The following PTPRG variants were observed in gnomAD, a reference collection of about 807,000 sequenced individuals.
PTPRG encodes the protein receptor-type tyrosine-protein phosphatase gamma.
Under a neutral mutation model 165.3 loss-of-function variants are expected in PTPRG, and 102 were observed. That is an observed-to-expected ratio of 0.62 (90% confidence interval 0.53 to 0.73). PTPRG has a LOEUF of 0.73. Ranked by LOEUF, PTPRG falls within the 30% of genes least tolerant of loss-of-function variation. The probability of loss-of-function intolerance (pLI) is 0.00; values close to 1 mark genes in which losing one functional copy is unlikely to be tolerated. For missense variants in PTPRG, 1,866 were observed against 1,861.4 expected, an observed-to-expected ratio of 1.00 and a Z score of -0.05; for synonymous variants, 675 against 669.5, an observed-to-expected ratio of 1.01 and a Z score of -0.13.
chr3:62,223,218 C>T (rs1700688785), intron 13 of PTPRG, among the ~76,000 whole-genome samples: 1 of 152,100 alleles, frequency 6.6e-6, no homozygotes. Context: ...GGAGCCAAAA[C>T]TGCAGGAGGG....
intron 1 of PTPRG, among the ~76,000 whole-genome samples, chr3:61,699,085 G>A (rs987833586): frequency 1.3e-5 from 2 of 150,058 alleles, no homozygotes; most frequent in Admixed American, 6.7e-5. Flanking sequence ...ACGAGTTAAT[G>A]GGTGCAGCAC....
At position 62,217,295 on chromosome 3, in the gene PTPRG, C is replaced by A. The variant is rs1163394640; in HGVS notation, c.2156-1556C>A. Among the ~76,000 whole-genome samples, 3 of 152,194 alleles carry A rather than the reference C, an allele frequency of 2.0e-5. No homozygotes were observed. ...CACCTACTTGACTCTGTCTTCTTAC[C>A]TGTGAGCAGGGGATACATCAGGTCC... On this transcript the variant is annotated intron_variant, in intron 12 of 29. Coordinates refer to ENST00000474889, the MANE Select transcript of PTPRG (RefSeq NM_002841.4). This position sits in a 1 kb window ranked among gnomAD's most constrained non-coding sequence, Gnocchi z 4.3.
At chr3:62,278,208 A>G (rs1473388773) in intron 26 of PTPRG, among the ~76,000 whole-genome samples, 1 of 152,100 alleles carries the variant, frequency 6.6e-6, no homozygotes, top group Non-Finnish European at 1.5e-5. Context: ...ATCTGTCTCC[A>G]GAGACCATGC....
intron 1 of PTPRG, among the ~76,000 whole-genome samples, chr3:61,699,063 T>A (rs1575596508): frequency 1.3e-5 from 2 of 152,008 alleles, no homozygotes; most frequent in Non-Finnish European, 2.9e-5. Flanking sequence ...GAGATACACC[T>A]AATGTTAAAT....
At chr3:61,777,101 C>G (rs2034406321) in intron 2 of PTPRG, among the ~76,000 whole-genome samples, 1 of 152,116 alleles carries the variant, frequency 6.6e-6, no homozygotes. Context: ...TTGTGTGTCT[C>G]TGGAATATCA....
At chr3:61,965,994 T>C (rs138523560) in intron 2 of PTPRG, among the ~76,000 whole-genome samples, 1 of 152,226 alleles carries the variant, frequency 6.6e-6, no homozygotes, top group African/African-American at 2.4e-5. Context: ...AACTTTTCTT[T>C]CATGGCAAAA....
At chr3:62,059,373 G>C (rs1700731918) in intron 4 of PTPRG, among the ~76,000 whole-genome samples, 1 of 152,146 alleles carries the variant, frequency 6.6e-6, no homozygotes, top group South Asian at 2.1e-4. Flanking sequence ...TGAAGACTCT[G>C]ATCTCATTAC....
At chr3:61,564,129 G>C (rs1379460814) in intron 1 of PTPRG, among the ~76,000 whole-genome samples, 1 of 152,208 alleles carries the variant, frequency 6.6e-6, no homozygotes, top group East Asian at 1.9e-4. Flanking sequence ...TCTCCCCTTA[G>C]AAACAGCTGC....
chr3:61,857,533 A>G (rs2037146373), intron 2 of PTPRG, among the ~76,000 whole-genome samples: 1 of 152,176 alleles, frequency 6.6e-6, no homozygotes, highest in Non-Finnish European at 1.5e-5. Context: ...GCGTATTGAC[A>G]GTGATGATTC....
chr3:61,841,980 A>G (rs1241850040), intron 2 of PTPRG, among the ~76,000 whole-genome samples: 1 of 152,256 alleles, frequency 6.6e-6, no homozygotes, highest in African/African-American at 2.4e-5. Flanking sequence ...TGTAGATGGT[A>G]TGCACAGAGT....
intron 2 of PTPRG, among the ~76,000 whole-genome samples, chr3:61,900,304 C>T (rs928628081): frequency 5.9e-5 from 9 of 152,222 alleles, no homozygotes; most frequent in African/African-American, 2.2e-4. Context: ...AGGCTACTCC[C>T]ATGAATTTGA....
At chr3:61,699,510 C>T (rs961258981) in intron 1 of PTPRG, among the ~76,000 whole-genome samples, 1 of 152,168 alleles carries the variant, frequency 6.6e-6, no homozygotes, top group Non-Finnish European at 1.5e-5. Flanking sequence ...TAAGTATTAC[C>T]TTGTAAATGG....
chr3:61,859,150 G>A (rs656264), intron 2 of PTPRG, among the ~76,000 whole-genome samples: 63,835 of 151,870 alleles, frequency 0.42, 14,476 homozygotes, highest in East Asian at 0.61. Flanking sequence ...CCTTTTCAAA[G>A]TATATGTGCT....
chr3:62,042,551 C>T (rs1472832646), intron 4 of PTPRG, among the ~76,000 whole-genome samples: 1 of 152,224 alleles, frequency 6.6e-6, no homozygotes, highest in East Asian at 1.9e-4. Flanking sequence ...TTTTCTTCCT[C>T]CCGCACCGCC....
At chr3:62,111,298 TC>T (rs779814466) in intron 5 of PTPRG, among the ~76,000 whole-genome samples, 2 of 152,092 alleles carry the variant, frequency 1.3e-5, no homozygotes, top group African/African-American at 2.4e-5. Flanking sequence ...TCCCAGAACA[TC>T]CTTTGAGGAG....
rs114736525 is a variant in PTPRG at position 62,265,768 on chromosome 3, T to C, written c.2657-1642T>C. 5.8e-3 allele frequency among the ~76,000 whole-genome samples: 878 copies of C among 152,088 alleles called. 8 individuals are homozygous for C. The highest frequency in any genetic ancestry group is 0.02 in the African/African-American group (830 of 41,464). ...TGCTGTGACTATGAGGATTTCTCTA[T>C]CCAGATACACCTCCTTTCTAACCAG... On this transcript the variant is annotated intron_variant, in intron 17 of 29. Transcript: ENST00000474889.
rs767479285 is a variant in PTPRG, at chr3:61,894,301, C to CAAAAAAAAAAAAAAAAAAAAA, written c.191-95311_191-95291dup. Among the ~76,000 whole-genome samples, 5 of 49,850 alleles carry CAAAAAAAAAAAAAAAAAAAAA rather than the reference C, an allele frequency of 1.0e-4. 1 individual carries two copies. Among genetic ancestry groups the CAAAAAAAAAAAAAAAAAAAAA allele is most frequent in the African/African-American group, 3.3e-4 (5 of 15,100 alleles). The allele number at this position is 49,850 out of a possible 152,430, so 32.7% of individuals were successfully genotyped here. On this transcript the variant is annotated intron_variant, in intron 2 of 29. Transcript: ENST00000474889. ...CGGGCAACAGAGCAAGACTCTGTGT[C>CAAAAAAAAAAAAAAAAAAAAA]AAAAAAAAAAAAAAAAAAAAAAAAA...
At position 62,132,675 on chromosome 3, in the gene PTPRG, A is replaced by G. The variant is rs1296071217; in HGVS notation, c.682+7A>G. 1 of 1,600,324 alleles carries G rather than the reference A, an allele frequency of 6.2e-7. No homozygotes were observed. The highest frequency in any genetic ancestry group is 8.6e-7 in the Non-Finnish European group (1 of 1,167,568). On this transcript the variant is annotated splice_region_variant and intron_variant, in intron 6 of 29. Coordinates refer to ENST00000474889, the MANE Select transcript of PTPRG (RefSeq NM_002841.4). ...AAGGGTGTCGTACATCATGGTAAGT[A>G]TGCCACATACACTTCCTTTTGCTGG...
intron 1 of PTPRG, among the ~76,000 whole-genome samples, chr3:61,643,454 A>G (rs1243485871): frequency 6.6e-6 from 1 of 152,186 alleles, no homozygotes; most frequent in Non-Finnish European, 1.5e-5. Flanking sequence ...AAATTTTTCT[A>G]GGTCCAATAA....
Sources: allele counts gnomAD v4.1 joint callset (sites outside exome capture counted in the v4.1 genomes callset), GRCh38; gene constraint gnomAD v4.1.1; non-coding constraint Gnocchi (gnomAD v3.1); transcripts MANE v1.5; gene names NCBI Gene and HGNC (gene_info 2026-07-23, HGNC 2026-07-21).